EPG5: variants seen among roughly 807,000 people sequenced by gnomAD.
EPG5 encodes the protein ectopic P granules protein 5 homolog.
A neutral mutation model predicts 302.7 loss-of-function variants in EPG5; 159 were observed. The ratio of observed to expected loss-of-function variants is 0.53; its 90% CI spans 0.46 to 0.60. The LOEUF (loss-of-function observed/expected upper bound fraction) is 0.60, where lower values mean the gene tolerates loss of function less well. EPG5 is among the 20% of genes least tolerant of loss of function. The probability of loss-of-function intolerance (pLI) is 0.00; values close to 1 mark genes in which losing one functional copy is unlikely to be tolerated. For synonymous variants in EPG5, 1,158 were observed against 1,136.8 expected (o/e 1.02, Z -0.37); for missense variants, 2,896 against 3,092.4 (o/e 0.94, Z 1.51).
chr18:45,905,798 G>A (rs911767687), intron 24 of EPG5, among the ~76,000 whole-genome samples: 2 of 152,178 alleles, frequency 1.3e-5, no homozygotes, highest in Non-Finnish European at 2.9e-5. Context: ...AAATCTCAGA[G>A]AACCAAGAAA....
intron 14 of EPG5, among the ~76,000 whole-genome samples, chr18:45,924,778 T>A (rs926090284): frequency 6.6e-6 from 1 of 152,216 alleles, no homozygotes; most frequent in African/African-American, 2.4e-5. Flanking sequence ...AACAACTCTA[T>A]GCGCAGTGGC....
chr18:45,811,380 G>C, the EPG5 span, among the ~76,000 whole-genome samples: 7 of 152,170 alleles, frequency 4.6e-5, no homozygotes, highest in Non-Finnish European at 1.5e-5. Flanking sequence ...CCAATCAATA[G>C]AGAAAGAGGG....
chr18:45,934,915 CACAG>C lies in EPG5; in HGVS notation c.2147_2150del (p.Ser716CysfsTer51). 1.2e-6 allele frequency: 2 copies of C among 1,614,100 alleles called. No homozygotes were observed. Among genetic ancestry groups the C allele is most frequent in the Non-Finnish European group, 1.7e-6 (2 of 1,180,014 alleles). ...GGTAGAAGAGCTTCCACAGCATTTG[CACAG>C]ACAGAGTCCCAAAGGGCATCTCGGA... On this transcript the variant is annotated frameshift_variant, in exon 11 of 44. Transcript: ENST00000282041. LOFTEE classifies it high-confidence loss of function.
chr18:45,953,799 C>G (rs2050963622), intron 2 of EPG5: 2 of 985,228 alleles, frequency 2.0e-6, no homozygotes, highest in African/African-American at 3.5e-5. Flanking sequence ...TTACTACCTT[C>G]AGATTCCTCA....
At chr18:45,929,632 T>A (rs1178145587) in intron 12 of EPG5, among the ~76,000 whole-genome samples, 1 of 152,242 alleles carries the variant, frequency 6.6e-6, no homozygotes, top group Non-Finnish European at 1.5e-5. Flanking sequence ...TAATTTTTAT[T>A]GTGACTCCTG....
At chr18:45,806,498 C>A in the EPG5 span, among the ~76,000 whole-genome samples, 9 of 152,068 alleles carry the variant, frequency 5.9e-5, no homozygotes, top group Admixed American at 4.6e-4. Context: ...CTGGGAGACA[C>A]AACAAATACT....
rs2048501317 is a variant in EPG5, at chr18:45,855,653, G to A, written c.7477C>T (p.Leu2493Phe). The A allele has an allele frequency of 1.2e-6, 2 of 1,614,082 alleles. No individual in the cohort carries two copies. The highest frequency in any genetic ancestry group is 1.7e-6 in the Non-Finnish European group (2 of 1,180,024). Residue 2493 changes from leucine (L) to phenylalanine (F), a missense_variant, in exon 43 of 44, where the codon CTT (leucine) becomes TTT (phenylalanine). Physicochemically the swap from Leu to Phe is conservative, Grantham distance 22. Around this residue, in one of 5 missense-constraint regions of EPG5, gnomAD observed 620 missense variants for 704.2 expected, o/e 0.88. Coordinates refer to ENST00000282041, the MANE Select transcript of EPG5 (RefSeq NM_020964.3). Reference protein sequence around the residue: ...RVVARSMAAFLSVQVPMEDQI... With the variant: ...RVVARSMAAFFSVQVPMEDQI... ...TCTTCCATAGGAACCTGAACTGAAAGGAAGGCAGCCATGCTTCGGGCAACC... is the reference window on the plus strand; with the variant it reads ...TCTTCCATAGGAACCTGAACTGAAAAGAAGGCAGCCATGCTTCGGGCAACC...
chr18:45,886,666 T>A (rs1261982977), intron 29 of EPG5, among the ~76,000 whole-genome samples: 1 of 148,430 alleles, frequency 6.7e-6, no homozygotes, highest in African/African-American at 2.5e-5. Flanking sequence ...CATACATTAA[T>A]TTTTTTTTTG....
At chr18:45,845,115 A>G (rs2145097786), downstream of EPG5, among the ~76,000 whole-genome samples, 1 of 152,306 alleles carries the variant, frequency 6.6e-6, no homozygotes, top group East Asian at 1.9e-4. Flanking sequence ...AACGGTTGAG[A>G]CTGCAGCTCT....
rs116278374 is a variant in EPG5 at position 45,850,238 on chromosome 18, G to A, written c.*2229C>T. 316 of 152,412 alleles carry A rather than the reference G, an allele frequency of 2.1e-3. 2 individuals carry two copies. The highest frequency in any genetic ancestry group is 7.2e-3 in the African/African-American group (298 of 41,548). The allele number at this position is 152,412 out of a possible 1,614,324, so 9.4% of individuals were successfully genotyped here. A position where few individuals can be genotyped will look rare whatever the true frequency, so the allele number is the denominator to read the frequency against. On this transcript the variant is annotated 3_prime_UTR_variant, in exon 44 of 44. Coordinates refer to ENST00000282041, the MANE Select transcript of EPG5 (RefSeq NM_020964.3). ...TTGCTTGATTCCCGTCTTGATGTGC[G>A]GCACCCATCACTGATTCTGAAACCA...
chr18:45,898,338 G>C (rs1298004223), intron 27 of EPG5, among the ~76,000 whole-genome samples: 1 of 152,224 alleles, frequency 6.6e-6, no homozygotes, highest in Non-Finnish European at 1.5e-5. Flanking sequence ...TTCCTTACCT[G>C]AGAAATGAAG....
chr18:45,950,356 A>C (rs575659025), intron 4 of EPG5, among the ~76,000 whole-genome samples: 3 of 152,260 alleles, frequency 2.0e-5, no homozygotes, highest in South Asian at 4.1e-4. Context: ...ACCCAGTGGG[A>C]GGTAACTGAA....
chr18:45,891,621 GATA>G (rs530015491), intron 27 of EPG5, among the ~76,000 whole-genome samples: 148 of 151,726 alleles, frequency 9.8e-4, no homozygotes, highest in African/African-American at 3.2e-3. Flanking sequence ...TTATGACTGT[GATA>G]ATAATAACTT....
At chr18:45,864,080 C>T (rs1308834449) in intron 39 of EPG5, among the ~76,000 whole-genome samples, 1 of 152,106 alleles carries the variant, frequency 6.6e-6, no homozygotes, top group Non-Finnish European at 1.5e-5. Context: ...TCAGCCTATC[C>T]TCTATGCCTT....
At chr18:45,854,564 T>A (rs1195607715) in intron 43 of EPG5, among the ~76,000 whole-genome samples, 1 of 152,130 alleles carries the variant, frequency 6.6e-6, no homozygotes, top group Non-Finnish European at 1.5e-5. Flanking sequence ...AAAACCAGGA[T>A]AATAATAGTT....
chr18:45,900,564 G>A (rs192042964), intron 26 of EPG5, among the ~76,000 whole-genome samples: 65 of 152,242 alleles, frequency 4.3e-4, no homozygotes, highest in African/African-American at 1.6e-3. Flanking sequence ...TCCACCTTGT[G>A]AACTCAAAAC....
chr18:45,882,348 C>G lies in EPG5; in HGVS notation c.5444G>C (p.Cys1815Ser), dbSNP rs1164266555. The G allele has an allele frequency of 6.2e-7, 1 of 1,614,162 alleles. No homozygotes were observed. Among genetic ancestry groups the G allele is most frequent in the Non-Finnish European group, 8.5e-7 (1 of 1,180,030 alleles). ...GAGAAGAAGATAAGTCCAGTGCTTA[C>G]AGAAAAGATTAAATGGCATCAAAAT... ...EDILMPFNLF[C>S]KHWTYLLLYQ... Residue 1815 changes from cysteine to serine, a missense_variant, in exon 31 of 44, where the codon TGT becomes TCT. Cys to Ser is a moderately radical substitution (Grantham distance 112). This residue lies in a region of EPG5 where 790 missense variants were observed against 798.0 expected (regional missense o/e 0.99). Transcript: ENST00000282041.
intron 9 of EPG5, among the ~76,000 whole-genome samples, chr18:45,942,713 G>C (rs549296189): frequency 1.3e-5 from 2 of 152,208 alleles, no homozygotes; most frequent in African/African-American, 4.8e-5. Flanking sequence ...GGGGAAGGAA[G>C]TTGAATAACA....
In EPG5 at chr18:45,848,747, C is replaced by T. The variant is rs958574372; in HGVS notation, c.*3720G>A. On this transcript the variant is annotated 3_prime_UTR_variant, in exon 44 of 44. Transcript: ENST00000282041. ...ACTAATTTGGACACTTTCCCCAAAC[C>T]GTAGCCCAGTTAGACATGATGGTGG... The T allele has an allele frequency of 6.6e-6, 1 of 152,284 alleles. No individual in the cohort carries two copies. Among genetic ancestry groups the T allele is most frequent in the Non-Finnish European group, 1.5e-5 (1 of 68,090 alleles). 9.4% of individuals were successfully genotyped at this position (152,284 alleles called of 1,614,324 possible). A position where few individuals can be genotyped will look rare whatever the true frequency, so the allele number is the denominator to read the frequency against.
Sources: gnomAD v4.1 joint callset for allele counts (sites outside exome capture counted in the v4.1 genomes callset) on GRCh38, gnomAD v4.1.1 for gene constraint, gnomAD v4.1.1 regional missense constraint, MANE v1.5 for transcripts, NCBI Gene and HGNC (gene_info 2026-07-23, HGNC 2026-07-21) for gene names.